PALB2: variants seen among roughly 807,000 people sequenced by gnomAD.
PALB2 encodes the protein mutant partner and localizer of BRCA2.
A neutral mutation model predicts 107.4 loss-of-function variants in PALB2; 82 were observed. That is an observed-to-expected ratio of 0.76 (90% confidence interval 0.64 to 0.92). PALB2 has a LOEUF of 0.92. Ranked by LOEUF, PALB2 falls within the 40% of genes least tolerant of loss-of-function variation. The probability of loss-of-function intolerance (pLI) is 0.00; values close to 1 mark genes in which losing one functional copy is unlikely to be tolerated. For synonymous variants in PALB2, 489 were observed against 496.8 expected, an observed-to-expected ratio of 0.98 and a Z score of 0.21; for missense variants, 1,374 against 1,379.9, an observed-to-expected ratio of 1.00 and a Z score of 0.07.
Position 23,638,212 on chromosome 16 carries a change from C to A in PALB2, c.49-83G>T, listed in dbSNP as rs1202561144. On this transcript the variant is annotated intron_variant, in intron 1 of 12. Transcript: ENST00000261584. ...AGGGATGCAGTGCTTGGCGGGGTCC[C>A]TTGGCAAGAGGCAGGGAGTAGCACT... 11 of 1,126,750 alleles carry A rather than the reference C, an allele frequency of 9.8e-6. No homozygotes were observed. In the East Asian group the frequency reaches 2.3e-4, roughly 24 times the overall value. The allele number at this position is 1,126,750 out of a possible 1,614,324, so 69.8% of individuals were successfully genotyped here.
chr16:23,618,570 G>A (rs1966722250), intron 10 of PALB2, among the ~76,000 whole-genome samples: 1 of 152,050 alleles, frequency 6.6e-6, no homozygotes, highest in Admixed American at 6.6e-5. Flanking sequence ...TTACAATGTA[G>A]TCGAATAAAA....
chr16:23,636,383 A>G (rs770150980), intron 3 of PALB2, 49 bp from the exon 4 acceptor site: 58 of 1,263,222 alleles, frequency 4.6e-5, no homozygotes, highest in Non-Finnish European at 6.2e-5. Context: ...TATAAAATAA[A>G]ACAAAAAATA....
chr16:23,625,072 C>A (rs1966839363), intron 7 of PALB2, among the ~76,000 whole-genome samples: 1 of 149,494 alleles, frequency 6.7e-6, no homozygotes, highest in African/African-American at 2.5e-5. Context: ...AGAGCTCATG[C>A]CTGTAACCCC....
At chr16:23,640,679 T>C (rs189372172) in intron 1 of PALB2, 2 of 251,202 alleles carry the variant, frequency 8.0e-6, no homozygotes, top group Admixed American at 5.0e-5. Context: ...AACATTCCCT[T>C]CTCCAAAAAA....
intron 10 of PALB2, among the ~76,000 whole-genome samples, chr16:23,616,945 T>A (rs895719363): frequency 6.6e-6 from 1 of 151,934 alleles, no homozygotes; most frequent in Non-Finnish European, 1.5e-5. Flanking sequence ...CCCGAGTAGC[T>A]GGGACTACAG....
chr16:23,641,208 C>T lies in PALB2; in HGVS notation c.-51G>A. On this transcript the variant is annotated 5_prime_UTR_variant, in exon 1 of 13. Coordinates refer to ENST00000261584, the MANE Select transcript of PALB2 (RefSeq NM_024675.4). ...CAGCCGTCGCCGACCCCAGGCCTGC[C>T]GACACCGGGACCCAGTTGGCCCTGG... 1.3e-6 allele frequency: 2 copies of T among 1,597,076 alleles called. No individual in the cohort carries two copies. Among genetic ancestry groups the T allele is most frequent in the African/African-American group, 2.7e-5 (2 of 74,740 alleles).
At chr16:23,623,576 C>T (rs184821536) in intron 8 of PALB2, among the ~76,000 whole-genome samples, 17 of 129,772 alleles carry the variant, frequency 1.3e-4, no homozygotes, top group African/African-American at 4.5e-4. Flanking sequence ...AGTGGTGGCA[C>T]GATCTTAGCT....
chr16:23,639,692 C>T (rs533939600), intron 1 of PALB2, among the ~76,000 whole-genome samples: 1 of 149,544 alleles, frequency 6.7e-6, no homozygotes, highest in Non-Finnish European at 1.5e-5. Flanking sequence ...TGGTGTTGGG[C>T]GTCTGTAATC....
At chr16:23,617,386 G>T (rs771663825) in intron 10 of PALB2, among the ~76,000 whole-genome samples, 1 of 151,812 alleles carries the variant, frequency 6.6e-6, no homozygotes, top group Non-Finnish European at 1.5e-5. Context: ...CTTCAAAAAC[G>T]AGAGAGGATA....
At chr16:23,612,612 G>C (rs182031848) in intron 11 of PALB2, among the ~76,000 whole-genome samples, 2 of 142,628 alleles carry the variant, frequency 1.4e-5, no homozygotes, top group African/African-American at 5.3e-5. Context: ...CCACAGCCTC[G>C]ACCTCCTGGG....
In PALB2 at chr16:23,631,858, T is replaced by C. The variant is rs116280685; in HGVS notation, c.1685-1389A>G. Among the ~76,000 whole-genome samples the C allele has an allele frequency of 2.8e-3, 420 of 152,292 alleles. 4 individuals are homozygous for C. The highest frequency in any genetic ancestry group is 6.8e-3 in the Middle Eastern group (2 of 294). On this transcript the variant is annotated intron_variant, in intron 4 of 12. Transcript: ENST00000261584. ...AATTTACTGCTTTTTGTTTGCTTGTTTGTTTCAAGACGAGGTCTCACTCTG... is the reference window on the plus strand; with the variant it reads ...AATTTACTGCTTTTTGTTTGCTTGTCTGTTTCAAGACGAGGTCTCACTCTG...
At chr16:23,614,917 T>A (rs539887252) in intron 10 of PALB2, among the ~76,000 whole-genome samples, 5 of 150,336 alleles carry the variant, frequency 3.3e-5, no homozygotes, top group Non-Finnish European at 5.9e-5. Context: ...CCCAAAGTGC[T>A]GGGATTACAG....
rs2142457092 is a variant in PALB2, at chr16:23,637,916, T to C, written c.145A>G (p.Lys49Glu). The C allele has an allele frequency of 6.2e-7, 1 of 1,614,068 alleles. No individual in the cohort carries two copies. Among genetic ancestry groups the C allele is most frequent in the African/African-American group, 1.3e-5 (1 of 75,036 alleles). ...CAATCTTGTTCTTCTACTGTTTTCT[T>C]AATAGAATGCTTAATCTTTTCAGCT... ...QRAEKIKHSI[K>E]KTVEEQDCLS... Residue 49 changes from lysine (K) to glutamate (E), a missense_variant, in exon 3 of 13, where the codon AAG (lysine) becomes GAG (glutamate). Physicochemically the swap from Lys to Glu is moderately conservative, Grantham distance 56. Coordinates refer to ENST00000261584, the MANE Select transcript of PALB2 (RefSeq NM_024675.4).
chr16:23,621,347 A>G lies in PALB2; in HGVS notation c.3113+15T>C, dbSNP rs563285440. 3 of 1,547,682 alleles carry G rather than the reference A, an allele frequency of 1.9e-6. No homozygotes were observed. Among genetic ancestry groups the G allele is most frequent in the East Asian group, 2.2e-5 (1 of 44,568 alleles). ...CTACAGATGAGGGAACTGAGGACCT[A>G]GAGGGAAAGCTTACCAAATAACAAT... is the stretch of plus-strand genomic sequence containing the variant. On this transcript the variant is annotated intron_variant, in intron 10 of 12. Transcript: ENST00000261584.
chr16:23,611,022 G>A (rs914086234), intron 11 of PALB2, among the ~76,000 whole-genome samples: 5 of 152,024 alleles, frequency 3.3e-5, no homozygotes, highest in Admixed American at 3.3e-4. Context: ...CTGGGTGACA[G>A]AGCAAGAATC....
chr16:23,634,129 T>A (rs1016161471), intron 4 of PALB2, among the ~76,000 whole-genome samples: 2 of 152,242 alleles, frequency 1.3e-5, no homozygotes, highest in Non-Finnish European at 2.9e-5. Flanking sequence ...AAACAACCAA[T>A]ACATTTTCCT....
At chr16:23,638,161 C>CA in intron 1 of PALB2, 32 bp from the exon 2 acceptor site, 1 of 1,589,236 alleles carries the variant, frequency 6.3e-7, no homozygotes, top group Non-Finnish European at 8.6e-7. Flanking sequence ...CAATACTGGG[C>CA]AAGTGGAAAG....
Position 23,626,352 on chromosome 16 carries a change from C to A in PALB2, c.2632G>T (p.Glu878Ter), listed in dbSNP as rs1555459999. The A allele has an allele frequency of 6.2e-7, 1 of 1,614,202 alleles. No homozygotes were observed. The highest frequency in any genetic ancestry group is 8.5e-7 in the Non-Finnish European group (1 of 1,180,036). ...CATGGCTCTTTACAACCGGCTCTTT[C>A]CCAAAACATGGCACTCACATCTACG... ...CSVDVSAMFWERAGCKEPCII... is the reference protein window; with the variant it reads ...CSVDVSAMFW Residue 878 changes from glutamate (E) to a stop codon, truncating the protein, a stop_gained, in exon 7 of 13, where the codon GAA becomes TAA. Coordinates refer to ENST00000261584, the MANE Select transcript of PALB2 (RefSeq NM_024675.4). LOFTEE classifies it high-confidence loss of function.
chr16:23,631,899 T>C (rs1270044543), intron 4 of PALB2, among the ~76,000 whole-genome samples: 1 of 152,158 alleles, frequency 6.6e-6, no homozygotes, highest in African/African-American at 2.4e-5. Flanking sequence ...CAGGCTGGAG[T>C]GCAGTGGCGA....
Sources: allele counts gnomAD v4.1 joint callset (sites outside exome capture counted in the v4.1 genomes callset), GRCh38; gene constraint gnomAD v4.1.1; transcripts MANE v1.5; gene names NCBI Gene and HGNC (gene_info 2026-07-23, HGNC 2026-07-21).